The following ERICH6B variants were observed in gnomAD, a reference collection of about 807,000 sequenced individuals.
ERICH6B encodes the protein glutamate rich 6B.
A neutral mutation model predicts 80.0 loss-of-function variants in ERICH6B; 69 were observed. The observed-to-expected ratio is 0.86, with a 90% CI of 0.71 to 1.05. ERICH6B has a LOEUF of 1.05. ERICH6B is among the 50% of genes least tolerant of loss of function. ERICH6B has a pLI of 0.00. For synonymous variants in ERICH6B, 283 were observed against 291.9 expected, an observed-to-expected ratio of 0.97 and a Z score of 0.31; for missense variants, 754 against 796.1, an observed-to-expected ratio of 0.95 and a Z score of 0.64.
At chr13:45,548,016 A>G (rs1198893558) in intron 13 of ERICH6B, among the ~76,000 whole-genome samples, 1 of 152,172 alleles carries the variant, frequency 6.6e-6, no homozygotes, top group East Asian at 1.9e-4. Flanking sequence ...GAACTGTTGA[A>G]TGAGTAGAAC....
chr13:45,582,255 C>A (rs1875706604), intron 5 of ERICH6B, among the ~76,000 whole-genome samples: 1 of 152,208 alleles, frequency 6.6e-6, no homozygotes, highest in Non-Finnish European at 1.5e-5. Flanking sequence ...CCAGGGATGG[C>A]ACTCCAATGC....
At position 45,574,934 on chromosome 13, in the gene ERICH6B, T is replaced by C. The variant is rs200573545; in HGVS notation, c.962-4A>G. ...TCTTTAGAAGCAAACTCCAGGACTT[T>C]CGATTTTGGAAGGAGCGTCGAAAGG... On this transcript the variant is annotated splice_region_variant and splice_polypyrimidine_tract_variant and intron_variant, in intron 7 of 14. Coordinates refer to ENST00000298738, the MANE Select transcript of ERICH6B (RefSeq NM_182542.3). The C allele has an allele frequency of 7.2e-4, 1,111 of 1,548,418 alleles. No individual in the cohort carries two copies. The highest frequency in any genetic ancestry group is 8.9e-4 in the Non-Finnish European group (1,024 of 1,145,306).
chr13:45,583,976 A>C (rs771804857), intron 5 of ERICH6B, among the ~76,000 whole-genome samples: 8 of 152,170 alleles, frequency 5.3e-5, no homozygotes, highest in Non-Finnish European at 7.4e-5. Flanking sequence ...CAATGTCTCT[A>C]TGTGTACGTA....
At chr13:45,558,843 G>A (rs1874545721) in intron 11 of ERICH6B, among the ~76,000 whole-genome samples, 1 of 152,138 alleles carries the variant, frequency 6.6e-6, no homozygotes, top group Admixed American at 6.5e-5. Context: ...TTAGTATTTT[G>A]TTAAGGATTT....
chr13:45,558,194 A>C (rs1040568657), intron 11 of ERICH6B, among the ~76,000 whole-genome samples: 3 of 151,894 alleles, frequency 2.0e-5, no homozygotes, highest in African/African-American at 7.3e-5. Flanking sequence ...TATTTTTTGC[A>C]GCTATTGTAA....
At chr13:45,594,488 T>C (rs1399259266) in intron 3 of ERICH6B, among the ~76,000 whole-genome samples, 2 of 152,220 alleles carry the variant, frequency 1.3e-5, no homozygotes, top group Non-Finnish European at 2.9e-5. Flanking sequence ...TTTTTCAGTA[T>C]TAGAATTACA....
At chr13:45,607,811 C>G (rs1002031206) in intron 1 of ERICH6B, among the ~76,000 whole-genome samples, 196 bp from the exon 2 acceptor site, 7 of 152,200 alleles carry the variant, frequency 4.6e-5, no homozygotes, top group African/African-American at 1.7e-4. Flanking sequence ...CCAAAGCAGC[C>G]CTTGCTTACG....
At chr13:45,573,351 G>A (rs1875254987) in intron 8 of ERICH6B, among the ~76,000 whole-genome samples, 1 of 152,152 alleles carries the variant, frequency 6.6e-6, no homozygotes. Context: ...ATATGCATGT[G>A]TTTTAAAATA....
chr13:45,558,471 T>G (rs112118181), intron 11 of ERICH6B, among the ~76,000 whole-genome samples: 14,616 of 152,218 alleles, frequency 0.096, 860 homozygotes, highest in African/African-American at 0.16. Context: ...AGTACTATGT[T>G]GAGGAGAAGT....
chr13:45,588,200 G>A (rs1472917813), intron 4 of ERICH6B, among the ~76,000 whole-genome samples: 2 of 152,186 alleles, frequency 1.3e-5, no homozygotes, highest in Non-Finnish European at 2.9e-5. Flanking sequence ...TGAAGGGAGA[G>A]AGCAGAAGCC....
chr13:45,579,822 G>A (rs1875580010), intron 7 of ERICH6B, 111 bp downstream of exon 7: 1 of 1,057,634 alleles, frequency 9.5e-7, no homozygotes, highest in Admixed American at 2.0e-5. Flanking sequence ...TCCCCTCTGG[G>A]CCCTGGGTCA....
chr13:45,556,556 C>G (rs896674848), intron 11 of ERICH6B, among the ~76,000 whole-genome samples: 4 of 152,150 alleles, frequency 2.6e-5, no homozygotes, highest in African/African-American at 9.7e-5. Flanking sequence ...CCCCTTCCTA[C>G]CCTTTCCCCT....
intron 8 of ERICH6B, 31 bp downstream of exon 8, chr13:45,574,811 G>GT: frequency 2.0e-6 from 3 of 1,487,454 alleles, no homozygotes; most frequent in Non-Finnish European, 2.7e-6. Context: ...AGGAAGCTGG[G>GT]GGGGGGGTCT....
intron 1 of ERICH6B, among the ~76,000 whole-genome samples, chr13:45,609,903 C>T (rs1030252199): frequency 1.3e-5 from 2 of 152,212 alleles, no homozygotes; most frequent in African/African-American, 4.8e-5. Flanking sequence ...CTGATCTGGC[C>T]AACCTTCGTC....
intron 12 of ERICH6B, 25 bp from the exon 13 acceptor site, chr13:45,550,070 A>G: frequency 6.4e-7 from 1 of 1,550,874 alleles, no homozygotes; most frequent in African/African-American, 1.4e-5. Flanking sequence ...AGGCACAAGT[A>G]GTCAGTCCTT....
Position 45,574,306 on chromosome 13 carries a change from A to G in ERICH6B, c.1050+536T>C, listed in dbSNP as rs116781376. Among the ~76,000 whole-genome samples, 1,139 of 152,300 alleles carry G rather than the reference A, an allele frequency of 7.5e-3. 14 individuals carry two copies. Among genetic ancestry groups the G allele is most frequent in the African/African-American group, 0.026 (1,061 of 41,562 alleles). ...AAATTCGAGCCACTAGTCTACCCCC[A>G]TAGGCAAAACATTCATGTGGCATAT... On this transcript the variant is annotated intron_variant, in intron 8 of 14. Transcript: ENST00000298738.
chr13:45,590,265 G>A (rs1396979238), intron 4 of ERICH6B, among the ~76,000 whole-genome samples: 1 of 151,766 alleles, frequency 6.6e-6, no homozygotes, highest in African/African-American at 2.4e-5. Flanking sequence ...TCAGGCCTTG[G>A]AAATATGCCT....
intron 1 of ERICH6B, among the ~76,000 whole-genome samples, chr13:45,609,128 G>T (rs1949885425): frequency 6.6e-6 from 1 of 152,174 alleles, no homozygotes; most frequent in African/African-American, 2.4e-5. Context: ...ATTCTTCAGA[G>T]GTGGCTTTTA....
chr13:45,605,308 C>T (rs1320463233), intron 2 of ERICH6B, among the ~76,000 whole-genome samples: 4 of 152,232 alleles, frequency 2.6e-5, no homozygotes, highest in East Asian at 3.8e-4. Context: ...TAATTTGCGA[C>T]GTCTGCTTTT....
Sources: allele counts gnomAD v4.1 joint callset (sites outside exome capture counted in the v4.1 genomes callset), GRCh38; gene constraint gnomAD v4.1.1; transcripts MANE v1.5; gene names NCBI Gene and HGNC (gene_info 2026-07-23, HGNC 2026-07-21).